The following ANKHD1 variants were observed in gnomAD, a reference collection of about 807,000 sequenced individuals.
The protein encoded by ANKHD1 is ankyrin repeat and KH domain containing 1, also known as ankyrin repeat and KH domain-containing protein 1.
A neutral mutation model predicts 230.5 loss-of-function variants in ANKHD1; 31 were observed. The ratio of observed to expected loss-of-function variants is 0.13; its 90% CI spans 0.10 to 0.18. The LOEUF (loss-of-function observed/expected upper bound fraction) is 0.18. ANKHD1 is among the 10% of genes least tolerant of loss of function. ANKHD1 has a pLI of 1.00. For synonymous variants in ANKHD1, 1,074 were observed against 1,117.6 expected (o/e 0.96, Z 0.78); for missense variants, 2,256 against 3,071.3 (o/e 0.73, Z 6.27).
intron 14 of ANKHD1, among the ~76,000 whole-genome samples, chr5:140,488,568 A>C: frequency 6.6e-6 from 1 of 151,250 alleles, no homozygotes; most frequent in East Asian, 1.9e-4. Flanking sequence ...CCTGGGCGAC[A>C]AGAGCAAAAC....
intron 29 of ANKHD1, among the ~76,000 whole-genome samples, chr5:140,533,481 C>T (rs1318669612): frequency 1.3e-5 from 2 of 152,016 alleles, no homozygotes; most frequent in African/African-American, 2.4e-5. Flanking sequence ...CACCTGTGGT[C>T]GCAGCTACTT....
intron 1 of ANKHD1, among the ~76,000 whole-genome samples, chr5:140,407,751 C>T (rs76258565): frequency 8.6e-4 from 130 of 152,012 alleles, no homozygotes; most frequent in African/African-American, 3.0e-3. Context: ...TTTAGCAAAT[C>T]GAAATAAAAA....
chr5:140,495,735 A>G (rs1752005709), intron 14 of ANKHD1, among the ~76,000 whole-genome samples: 1 of 152,214 alleles, frequency 6.6e-6, no homozygotes, highest in Admixed American at 6.5e-5. Flanking sequence ...ATACATTGCC[A>G]TTGTTTGTTA....
intron 1 of ANKHD1, among the ~76,000 whole-genome samples, chr5:140,427,310 G>T (rs1772536375): frequency 6.9e-6 from 1 of 144,142 alleles, no homozygotes; most frequent in African/African-American, 2.6e-5. Context: ...GGGGCGGCTG[G>T]CCGGGTGGGG....
chr5:140,443,680 T>TAA (rs572970598), intron 5 of ANKHD1, among the ~76,000 whole-genome samples: 12 of 104,872 alleles, frequency 1.1e-4, no homozygotes, highest in Non-Finnish European at 1.5e-4. Context: ...ACTCCGTCTA[T>TAA]AAAAAAAAAA....
At position 140,529,386 on chromosome 5, in the gene ANKHD1, T is replaced by G. The variant is rs1343754116; in HGVS notation, c.6440T>G (p.Val2147Gly). 6.2e-7 allele frequency: 1 copy of G among 1,614,180 alleles called. No homozygotes were observed. Among genetic ancestry groups the G allele is most frequent in the Non-Finnish European group, 8.5e-7 (1 of 1,180,028 alleles). ...CCCAGAGGTTCTTTTTACTCCATGG[T>G]ACCAAATGCAACTATTCACCAGGAT... ...MQPRGSFYSM[V>G]PNATIHQDPQ... Residue 2147 changes from valine (V) to glycine (G), a missense_variant, in exon 29 of 34, where the codon GTA becomes GGA. Transcript: ENST00000360839.
At chr5:140,539,282 A>G in intron 33 of ANKHD1, 77 bp from the exon 34 acceptor site, 2 of 1,600,376 alleles carry the variant, frequency 1.2e-6, no homozygotes, top group South Asian at 1.1e-5. Flanking sequence ...GTGAATTGCC[A>G]TTGCATTTAT....
In ANKHD1 at chr5:140,464,657, TG is replaced by T; in HGVS notation, c.1673-9del. On this transcript the variant is annotated splice_polypyrimidine_tract_variant and intron_variant, in intron 9 of 33. Coordinates refer to ENST00000360839, the MANE Select transcript of ANKHD1 (RefSeq NM_017747.3). ...TTCACAAAGTAAATGTATGCTTTTT[TG>T]TTTGCTAGGCGCTAATGTGCATGCT... 1 of 1,528,094 alleles carries T rather than the reference TG, an allele frequency of 6.5e-7. No homozygotes were observed. Among genetic ancestry groups the T allele is most frequent in the Non-Finnish European group, 8.9e-7 (1 of 1,126,412 alleles). 94.7% of individuals were successfully genotyped at this position (1,528,094 alleles called of 1,614,324 possible). A position where few individuals can be genotyped will look rare whatever the true frequency, so the allele number is the denominator to read the frequency against.
intron 14 of ANKHD1, among the ~76,000 whole-genome samples, chr5:140,495,891 A>G (rs538769636): frequency 6.6e-6 from 1 of 152,312 alleles, no homozygotes; most frequent in South Asian, 2.1e-4. Flanking sequence ...ACAGTGTTCC[A>G]GTACAGATGT....
chr5:140,472,002 T>C (rs1776528870), intron 10 of ANKHD1, among the ~76,000 whole-genome samples: 1 of 152,202 alleles, frequency 6.6e-6, no homozygotes, highest in Middle Eastern at 3.2e-3. Context: ...GAAATATTTC[T>C]ACATATATTA....
intron 10 of ANKHD1, among the ~76,000 whole-genome samples, chr5:140,471,806 A>G (rs1405179448): frequency 6.6e-6 from 1 of 152,158 alleles, no homozygotes; most frequent in Non-Finnish European, 1.5e-5. Context: ...AGCCTTAAGT[A>G]CATTTATAAT....
intron 24 of ANKHD1, among the ~76,000 whole-genome samples, chr5:140,516,762 C>G (rs1000861047): frequency 8.6e-5 from 13 of 151,814 alleles, no homozygotes; most frequent in African/African-American, 3.1e-4. Flanking sequence ...CACCACCAGG[C>G]CTGCCCTAAA....
chr5:140,438,723 G>A, intron 3 of ANKHD1, 106 bp downstream of exon 3: 1 of 1,396,632 alleles, frequency 7.2e-7, no homozygotes, highest in Non-Finnish European at 9.5e-7. Flanking sequence ...ATAAACTTTA[G>A]CTGAAAGGAT....
At chr5:140,479,154 C>G (rs994966339) in intron 10 of ANKHD1, among the ~76,000 whole-genome samples, 1 of 151,620 alleles carries the variant, frequency 6.6e-6, no homozygotes, top group Non-Finnish European at 1.5e-5. Context: ...CCCGCCACCA[C>G]GCCCGGCTAA....
At chr5:140,512,711 A>G (rs1013854809) in intron 22 of ANKHD1, 117 bp from the exon 23 acceptor site, 4 of 837,214 alleles carry the variant, frequency 4.8e-6, no homozygotes, top group Non-Finnish European at 5.4e-6. Flanking sequence ...ATTGGTAGGC[A>G]TATATGCAAA....
At chr5:140,489,560 G>C (rs1193117678) in intron 14 of ANKHD1, among the ~76,000 whole-genome samples, 9 of 152,068 alleles carry the variant, frequency 5.9e-5, no homozygotes, top group Non-Finnish European at 1.5e-5. Context: ...ATGCCAAGAG[G>C]AAATAAAAAC....
At chr5:140,487,881 C>G (rs1209933654) in intron 14 of ANKHD1, among the ~76,000 whole-genome samples, 1 of 152,114 alleles carries the variant, frequency 6.6e-6, no homozygotes, top group East Asian at 1.9e-4. Flanking sequence ...ATATAAATAT[C>G]TGTAACACTG....
intron 8 of ANKHD1, 124 bp downstream of exon 8, chr5:140,458,986 A>ATG (rs1775477523): frequency 2.9e-4 from 6 of 20,412 alleles, no homozygotes; most frequent in Admixed American, 7.5e-4. Flanking sequence ...ATATGCATAT[A>ATG]TATATATATG....
chr5:140,497,084 T>C lies in ANKHD1; in HGVS notation c.2810T>C (p.Phe937Ser). 1 of 1,614,192 alleles carries C rather than the reference T, an allele frequency of 6.2e-7. No homozygotes were observed. Among genetic ancestry groups the C allele is most frequent in the Non-Finnish European group, 8.5e-7 (1 of 1,180,024 alleles). Reference protein sequence around the residue: ...VQPLSSPQCNFSSDLGSNGTN... With the variant: ...VQPLSSPQCNSSSDLGSNGTN... ...CCTTTATCATCTCCACAGTGTAACTTTTCCAGTGACTTAGGTTCTAATGGG... is the reference window on the plus strand; with the variant it reads ...CCTTTATCATCTCCACAGTGTAACTCTTCCAGTGACTTAGGTTCTAATGGG... The change falls in exon 15 of 34, where the codon TTT becomes TCT. Residue 937 changes from phenylalanine to serine, a missense_variant. Phe to Ser is a radical substitution (Grantham distance 155). Coordinates refer to ENST00000360839, the MANE Select transcript of ANKHD1 (RefSeq NM_017747.3).
Sources: gnomAD v4.1 joint callset for allele counts (sites outside exome capture counted in the v4.1 genomes callset) on GRCh38, gnomAD v4.1.1 for gene constraint, MANE v1.5 for transcripts, NCBI Gene and HGNC (gene_info 2026-07-23, HGNC 2026-07-21) for gene names.